Variants in NCOA3 observed in about 807,000 individuals in gnomAD.
NCOA3 encodes the protein nuclear receptor coactivator 3.
Under a neutral mutation model 158.8 loss-of-function variants are expected in NCOA3, and 51 were observed. The observed-to-expected ratio is 0.32, with a 90% CI of 0.26 to 0.41. NCOA3 has a LOEUF of 0.41. Among genes scored for constraint, NCOA3 ranks in the 10% least tolerant of loss-of-function variants. The pLI is 1.00. For synonymous variants in NCOA3, 537 were observed against 592.4 expected (o/e 0.91, Z 1.36); for missense variants, 1,510 against 1,746.6 (o/e 0.86, Z 2.41).
rs569708357 is a variant in NCOA3, at chr20:47,650,313, C to T, written c.3652-669C>T. 6.0e-5 allele frequency among the ~76,000 whole-genome samples: 9 copies of T among 148,830 alleles called. No homozygotes were observed. The East Asian group carries it at 1.4e-3, about 24-fold the overall frequency. On this transcript the variant is annotated intron_variant, in intron 19 of 22. Transcript: ENST00000371998. ...TTGCCCAGGCTGGAGTACAGTGGCA[C>T]GATCTCGGCTCACTGCAGCGTCAAT...
At chr20:47,568,789 C>G (rs1376238268) in intron 1 of NCOA3, among the ~76,000 whole-genome samples, 1 of 149,752 alleles carries the variant, frequency 6.7e-6, no homozygotes, top group East Asian at 1.9e-4. Context: ...GAGCCAGACT[C>G]TGTCTCAAAA....
intron 1 of NCOA3, among the ~76,000 whole-genome samples, chr20:47,575,739 A>G (rs927044686): frequency 3.9e-5 from 6 of 152,208 alleles, no homozygotes; most frequent in Admixed American, 6.5e-5. Context: ...ATTTAAGTCA[A>G]TGAGTCTGTT....
rs1206893490 is a variant in NCOA3, at chr20:47,647,106, C to T, written c.3286C>T (p.Gln1096Ter). 3 of 1,614,038 alleles carry T rather than the reference C, an allele frequency of 1.9e-6. No individual in the cohort carries two copies. ...QALEPKQDAF[Q>*]GQEAAVMMDQ... ...ATTAGAGCCCAAACAGGATGCTTTC[C>T]AAGGCCAAGAAGCAGCAGTAATGAT... The change falls in exon 18 of 23, where the codon CAA becomes TAA. Residue 1096 changes from glutamine (Q) to a stop codon, truncating the protein, a stop_gained. Transcript: ENST00000371998. LOFTEE classifies it high-confidence loss of function.
chr20:47,642,423 T>C, intron 17 of NCOA3, 39 bp downstream of exon 17: 1 of 1,501,476 alleles, frequency 6.7e-7, no homozygotes. Flanking sequence ...AGTGTATATT[T>C]GTGTGTGTGC....
intron 1 of NCOA3, among the ~76,000 whole-genome samples, chr20:47,555,005 CAG>C (rs2084979882): frequency 6.6e-6 from 1 of 152,130 alleles, no homozygotes; most frequent in Non-Finnish European, 1.5e-5. Context: ...GGTACCAAAA[CAG>C]AGATATAGAC....
At position 47,567,326 on chromosome 20, in the gene NCOA3, G is replaced by A. The variant is rs549218073; in HGVS notation, c.-98-15857G>A. On this transcript the variant is annotated intron_variant, in intron 1 of 22. Transcript: ENST00000371998. Reference sequence around the variant, plus strand: ...CTCCCAAAGTGCTAGGATTACAGGTGTGAGCCACTGCACTCGGTTGTACTT... The same window carrying A: ...CTCCCAAAGTGCTAGGATTACAGGTATGAGCCACTGCACTCGGTTGTACTT... Among the ~76,000 whole-genome samples the A allele has an allele frequency of 1.1e-4, 16 of 152,030 alleles. No individual in the cohort carries two copies. In the East Asian group the frequency reaches 3.1e-3, roughly 29 times the overall value.
At chr20:47,532,080 GA>G (rs971011070) in intron 1 of NCOA3, among the ~76,000 whole-genome samples, 1 of 148,568 alleles carries the variant, frequency 6.7e-6, no homozygotes, top group Non-Finnish European at 1.5e-5. Flanking sequence ...AAAGGTTACG[GA>G]AAAAAAATAA....
intron 19 of NCOA3, among the ~76,000 whole-genome samples, chr20:47,650,551 A>C (rs1268104962): frequency 6.6e-6 from 1 of 151,284 alleles, no homozygotes; most frequent in Non-Finnish European, 1.5e-5. Flanking sequence ...GCACCAGGTC[A>C]GAAAGCTTTT....
chr20:47,544,567 GC>G (rs539324951), intron 1 of NCOA3, among the ~76,000 whole-genome samples: 1 of 151,604 alleles, frequency 6.6e-6, no homozygotes, highest in Non-Finnish European at 1.5e-5. Context: ...TAGACTTAGT[GC>G]CCCCCCAATT....
chr20:47,638,891 GTGTT>G, intron 13 of NCOA3, 113 bp from the exon 14 acceptor site: 3 of 830,140 alleles, frequency 3.6e-6, no homozygotes, highest in Non-Finnish European at 3.5e-6. Flanking sequence ...AAGGAAGACA[GTGTT>G]TGTTTTTGTA....
At chr20:47,619,100 C>G (rs1212629922) in intron 2 of NCOA3, among the ~76,000 whole-genome samples, 2 of 152,088 alleles carry the variant, frequency 1.3e-5, no homozygotes, top group Non-Finnish European at 1.5e-5. Flanking sequence ...TATATTTATT[C>G]AATATTTATT....
Position 47,653,329 on chromosome 20 carries a change from A to G in NCOA3, c.4264-77A>G, listed in dbSNP as rs1055275636. Reference sequence around the variant, plus strand: ...TGCACTGTAAGCCATGAATGTGGACATGGGTATTTTTTTGTTGTGCAAAGC... The same window carrying G: ...TGCACTGTAAGCCATGAATGTGGACGTGGGTATTTTTTTGTTGTGCAAAGC... On this transcript the variant is annotated intron_variant, in intron 22 of 22. Transcript: ENST00000371998. The G allele has an allele frequency of 1.4e-5, 22 of 1,521,220 alleles. No individual in the cohort carries two copies. The Admixed American group carries it at 1.6e-4, about 11-fold the overall frequency. 94.2% of individuals were successfully genotyped at this position (1,521,220 alleles called of 1,614,324 possible).
intron 1 of NCOA3, among the ~76,000 whole-genome samples, chr20:47,506,148 G>A (rs796834834): frequency 3.9e-5 from 6 of 152,200 alleles, no homozygotes; most frequent in African/African-American, 1.2e-4. Context: ...TTGGGGAGGG[G>A]TTACAAAATA....
rs201464112 is a variant in NCOA3 at position 47,504,803 on chromosome 20, C to CA, written c.-99+2798dup. 5.9e-3 allele frequency among the ~76,000 whole-genome samples: 716 copies of CA among 120,930 alleles called. 3 individuals carry two copies. The highest frequency in any genetic ancestry group is 7.4e-3 in the Non-Finnish European group (418 of 56,306). The allele number at this position is 120,930 out of a possible 152,430, so 79.3% of individuals were successfully genotyped here. ...TGGGCAACAGAATGAGACTCTGTTTCAAAAAAAAAAAAAATTCTGTCTTGT... is the reference window on the plus strand; with the variant it reads ...TGGGCAACAGAATGAGACTCTGTTTCAAAAAAAAAAAAAAATTCTGTCTTGT... On this transcript the variant is annotated intron_variant, in intron 1 of 22. Transcript: ENST00000371998.
In NCOA3 at chr20:47,642,070, C is replaced by T. The variant is rs141345860; in HGVS notation, c.3081-143C>T. On this transcript the variant is annotated intron_variant, in intron 16 of 22. Coordinates refer to ENST00000371998, the MANE Select transcript of NCOA3 (RefSeq NM_181659.3). ...CTTAAACTTAAATTGATGCCATTCA[C>T]TCTTTTTTACCACTTGGTTTATTAT... The T allele has an allele frequency of 2.4e-3, 1,604 of 670,678 alleles. 20 individuals carry two copies. In the African/African-American group the frequency reaches 0.026, roughly 11 times the overall value. The allele number at this position is 670,678 out of a possible 1,614,324, so 41.5% of individuals were successfully genotyped here.
intron 13 of NCOA3, among the ~76,000 whole-genome samples, chr20:47,638,415 AACAG>A (rs771495700): frequency 2.0e-5 from 3 of 152,238 alleles, no homozygotes; most frequent in Non-Finnish European, 2.9e-5. Flanking sequence ...GTCTCAAACA[AACAG>A]ACAGAAAAAC....
chr20:47,565,479 C>T (rs2085177863), intron 1 of NCOA3, among the ~76,000 whole-genome samples: 1 of 152,146 alleles, frequency 6.6e-6, no homozygotes, highest in African/African-American at 2.4e-5. Flanking sequence ...CTTTGGGAAA[C>T]TGAGGTGGGC....
chr20:47,650,793 A>G (rs2086770705), intron 19 of NCOA3, among the ~76,000 whole-genome samples, 189 bp from the exon 20 acceptor site: 1 of 151,694 alleles, frequency 6.6e-6, no homozygotes, highest in Non-Finnish European at 1.5e-5. Context: ...AACCTGGGAG[A>G]CGAAGGTTGC....
At chr20:47,563,197 T>G (rs1164309570) in intron 1 of NCOA3, among the ~76,000 whole-genome samples, 3 of 152,262 alleles carry the variant, frequency 2.0e-5, no homozygotes, top group Non-Finnish European at 4.4e-5. Flanking sequence ...TATATTACAT[T>G]AAGGAGTTTA....
Sources: allele counts gnomAD v4.1 joint callset (sites outside exome capture counted in the v4.1 genomes callset), GRCh38; gene constraint gnomAD v4.1.1; transcripts MANE v1.5; gene names NCBI Gene and HGNC (gene_info 2026-07-23, HGNC 2026-07-21).